P2RY12: variants seen among roughly 807,000 people sequenced by gnomAD.
P2RY12 encodes the protein P2Y purinoceptor 12.
P2RY12 carries 3 observed loss-of-function variants against 4.5 expected under a neutral mutation model. That is an observed-to-expected ratio of 0.67 (90% CI 0.31 to 1.74). The LOEUF (loss-of-function observed/expected upper bound fraction) is 1.74. P2RY12 is among the 40% of genes most tolerant of loss of function. The pLI, the probability that P2RY12 is intolerant of heterozygous loss-of-function variation, is 0.09. For missense variants in P2RY12, 356 were observed against 407.8 expected, an observed-to-expected ratio of 0.87 and a Z score of 1.09; for synonymous variants, 148 against 154.1, an observed-to-expected ratio of 0.96 and a Z score of 0.29.
intron 1 of P2RY12, among the ~76,000 whole-genome samples, chr3:151,372,285 G>A (rs886173442): frequency 9.9e-5 from 15 of 152,128 alleles, no homozygotes; most frequent in Admixed American, 5.9e-4. Flanking sequence ...TGATTACTTA[G>A]TGTGATTCAT....
intron 1 of P2RY12, among the ~76,000 whole-genome samples, chr3:151,353,912 C>T (rs1290653562): frequency 4.6e-5 from 7 of 151,900 alleles, no homozygotes; most frequent in Middle Eastern, 3.4e-3. Flanking sequence ...GAGGCCGAGG[C>T]GGGCGGATCA....
intron 1 of P2RY12, chr3:151,376,835 A>C: frequency 1.2e-6 from 2 of 1,614,098 alleles, no homozygotes; most frequent in African/African-American, 2.7e-5. Context: ...AATCCTGGTT[A>C]GAACTCCAGC....
rs1033280023 is a variant in P2RY12, at chr3:151,365,951, A to G, written c.-180+18741T>C. Reference sequence around the variant, plus strand: ...CTGAAGGCTCTTTGTTGTTCTTCAAATCACGTGTGGGGGTTTAATGATGTA... The same window carrying G: ...CTGAAGGCTCTTTGTTGTTCTTCAAGTCACGTGTGGGGGTTTAATGATGTA... On this transcript the variant is annotated intron_variant, in intron 1 of 2. Transcript: ENST00000302632. 3 of 1,613,262 alleles carry G rather than the reference A, an allele frequency of 1.9e-6. No homozygotes were observed. The highest frequency in any genetic ancestry group is 8.5e-7 in the Non-Finnish European group (1 of 1,179,454).
At chr3:151,342,858 A>G (rs1325159573) in intron 1 of P2RY12, among the ~76,000 whole-genome samples, 1 of 152,268 alleles carries the variant, frequency 6.6e-6, no homozygotes, top group East Asian at 1.9e-4. Context: ...TCAATATTTA[A>G]TTTCTTACAC....
intron 1 of P2RY12, among the ~76,000 whole-genome samples, chr3:151,371,305 A>G (rs1194265363): frequency 6.6e-6 from 1 of 152,178 alleles, no homozygotes; most frequent in Non-Finnish European, 1.5e-5. Flanking sequence ...AATGTAACTC[A>G]AGGTATAGAG....
intron 1 of P2RY12, chr3:151,376,856 A>G (rs1756914854): frequency 1.3e-5 from 21 of 1,613,952 alleles, no homozygotes; most frequent in Non-Finnish European, 1.8e-5. Flanking sequence ...TAATGATCAA[A>G]CAGTGCTTGA....
intron 1 of P2RY12, among the ~76,000 whole-genome samples, chr3:151,370,613 T>G (rs1756058233): frequency 6.6e-6 from 1 of 152,174 alleles, no homozygotes; most frequent in African/African-American, 2.4e-5. Context: ...CATTAAGTGC[T>G]CATTTCAGTG....
At chr3:151,359,720 C>T (rs1754373038) in intron 1 of P2RY12, among the ~76,000 whole-genome samples, 1 of 152,042 alleles carries the variant, frequency 6.6e-6, no homozygotes, top group African/African-American at 2.4e-5. Flanking sequence ...AATAATCTGT[C>T]ATCTGTGACT....
chr3:151,338,651 G>A lies in P2RY12; in HGVS notation c.195C>T (p.Asn65=). 1 of 1,613,826 alleles carries A rather than the reference G, an allele frequency of 6.2e-7. No individual in the cohort carries two copies. Among genetic ancestry groups the A allele is most frequent in the Non-Finnish European group, 8.5e-7 (1 of 1,179,918 alleles). ...TCATGAGAAGATCAGAAATGACTGT[G>A]TTCTTAAGAAAAATAATAAAGTTTG... The part of the protein sequence containing the change: ...SKSNFIIFLK[N]TVISDLLMIL... Residue 65 remains asparagine (N), a synonymous_variant, in exon 3 of 3, where the codon AAC becomes AAT. Coordinates refer to ENST00000302632, the MANE Select transcript of P2RY12 (RefSeq NM_022788.5).
At chr3:151,384,344 C>T in intron 1 of P2RY12, 2 of 1,004,712 alleles carry the variant, frequency 2.0e-6, no homozygotes, top group Non-Finnish European at 2.8e-6. Flanking sequence ...TGATTATTTG[C>T]TATTTGTTTC....
At chr3:151,378,640 A>G (rs545574711) in intron 1 of P2RY12, among the ~76,000 whole-genome samples, 1 of 152,126 alleles carries the variant, frequency 6.6e-6, no homozygotes, top group Non-Finnish European at 1.5e-5. Context: ...GGCCACCACA[A>G]CTAATGTTTT....
At chr3:151,342,062 G>A (rs1751926169) in intron 1 of P2RY12, among the ~76,000 whole-genome samples, 1 of 152,150 alleles carries the variant, frequency 6.6e-6, no homozygotes, top group Non-Finnish European at 1.5e-5. Context: ...CTTTATAGCA[G>A]CATGACTTAT....
At chr3:151,349,266 CT>C (rs1752937644) in intron 1 of P2RY12, among the ~76,000 whole-genome samples, 1 of 152,096 alleles carries the variant, frequency 6.6e-6, no homozygotes, top group Non-Finnish European at 1.5e-5. Context: ...AAAAATGGTG[CT>C]TGGATTCACT....
chr3:151,344,611 T>C (rs1276628960), intron 1 of P2RY12, among the ~76,000 whole-genome samples: 3 of 152,204 alleles, frequency 2.0e-5, no homozygotes, highest in Non-Finnish European at 2.9e-5. Context: ...CTTCCGGATA[T>C]ATACTGGATT....
At chr3:151,366,459 G>A (rs1577455933) in intron 1 of P2RY12, among the ~76,000 whole-genome samples, 1 of 152,306 alleles carries the variant, frequency 6.6e-6, no homozygotes, top group South Asian at 2.1e-4. Context: ...TAGATTCCGA[G>A]GATGTCCGGT....
chr3:151,338,916 T>C (rs1751419787), intron 2 of P2RY12, 57 bp from the exon 3 acceptor site: 1 of 1,501,834 alleles, frequency 6.7e-7, no homozygotes, highest in South Asian at 1.2e-5. Context: ...TTATTGCTGT[T>C]ATCTCTGTGT....
At chr3:151,372,340 A>G (rs1191560519) in intron 1 of P2RY12, among the ~76,000 whole-genome samples, 3 of 152,208 alleles carry the variant, frequency 2.0e-5, no homozygotes, top group African/African-American at 4.8e-5. Flanking sequence ...TACAAACAAA[A>G]TAAGGACCGA....
At chr3:151,382,208 C>T (rs1203601659) in intron 1 of P2RY12, among the ~76,000 whole-genome samples, 1 of 152,136 alleles carries the variant, frequency 6.6e-6, no homozygotes, top group Non-Finnish European at 1.5e-5. Flanking sequence ...AAGACACATA[C>T]ATAAGATAGC....
At chr3:151,352,836 A>G (rs1158862254) in intron 1 of P2RY12, among the ~76,000 whole-genome samples, 1 of 152,208 alleles carries the variant, frequency 6.6e-6, no homozygotes, top group Non-Finnish European at 1.5e-5. Flanking sequence ...TAAGAGGCTA[A>G]AGTTTCAGGA....
Sources: gnomAD v4.1 joint callset for allele counts (sites outside exome capture counted in the v4.1 genomes callset) on GRCh38, gnomAD v4.1.1 for gene constraint, MANE v1.5 for transcripts, NCBI Gene and HGNC (gene_info 2026-07-23, HGNC 2026-07-21) for gene names.